Variants in TBL1X observed in about 807,000 individuals in gnomAD.
TBL1X encodes F-box-like/WD repeat-containing protein TBL1X.
TBL1X carries 10 observed loss-of-function variants against 50.7 expected under a neutral mutation model. That is an observed-to-expected ratio of 0.20 (90% confidence interval 0.12 to 0.33). The LOEUF (loss-of-function observed/expected upper bound fraction) is 0.33. TBL1X is among the 10% of genes least tolerant of loss of function. The pLI is 1.00. For missense variants in TBL1X, 340 were observed against 504.4 expected, an observed-to-expected ratio of 0.67 and a Z score of 3.12; for synonymous variants, 190 against 214.7, an observed-to-expected ratio of 0.88 and a Z score of 1.01.
intron 2 of TBL1X, among the ~76,000 whole-genome samples, chrX:9,596,511 C>A (rs2146544081): frequency 9.0e-6 from 1 of 110,838 alleles, no homozygotes; most frequent in East Asian, 2.8e-4. Context: ...GGGTGGAGAC[C>A]AGGGATGCCG....
intron 6 of TBL1X, among the ~76,000 whole-genome samples, chrX:9,685,179 A>T (rs1053944356): frequency 2.7e-5 from 3 of 111,772 alleles, no homozygotes; most frequent in African/African-American, 9.8e-5. Context: ...TAAACCACAC[A>T]CCTCACCCTC....
At chrX:9,498,407 A>G (rs372030507) in intron 1 of TBL1X, among the ~76,000 whole-genome samples, 1 of 112,457 alleles carries the variant, frequency 8.9e-6, no homozygotes. Context: ...CTTGCCCTGA[A>G]TGAATAAGGC....
At chrX:9,617,989 A>C (rs2082647782) in intron 2 of TBL1X, among the ~76,000 whole-genome samples, 1 of 111,234 alleles carries the variant, frequency 9.0e-6, no homozygotes, top group Admixed American at 9.5e-5. Flanking sequence ...CCCAGGAGAT[A>C]CCAGTAGCAC....
chrX:9,619,676 T>C (rs1442090975), intron 2 of TBL1X, among the ~76,000 whole-genome samples: 1 of 112,371 alleles, frequency 8.9e-6, no homozygotes, highest in Non-Finnish European at 1.9e-5. Flanking sequence ...GTTAAAATAG[T>C]GAGGACACTG....
intron 12 of TBL1X, among the ~76,000 whole-genome samples, chrX:9,703,026 A>C (rs935598791): frequency 9.0e-6 from 1 of 111,502 alleles, no homozygotes; most frequent in Admixed American, 9.5e-5. Context: ...ATTAGCATGA[A>C]CCCTGGGAAG....
At chrX:9,538,037 A>G (rs183485528) in intron 2 of TBL1X, among the ~76,000 whole-genome samples, 46 of 112,196 alleles carry the variant, frequency 4.1e-4, no homozygotes, top group African/African-American at 1.3e-3. Flanking sequence ...TGGAAGTAAC[A>G]TGATGCTCTA....
chrX:9,580,253 C>T (rs904656932), intron 2 of TBL1X, among the ~76,000 whole-genome samples: 2 of 112,134 alleles, frequency 1.8e-5, no homozygotes, highest in Non-Finnish European at 3.8e-5. Context: ...GACACAACCT[C>T]AGGAGGTCCT....
intron 2 of TBL1X, among the ~76,000 whole-genome samples, chrX:9,532,693 C>G (rs940730701): frequency 1.8e-5 from 2 of 111,331 alleles, no homozygotes; most frequent in Non-Finnish European, 3.8e-5. Flanking sequence ...AGGCCTCTCT[C>G]CTGGGCTTGT....
chrX:9,533,200 A>AAGC (rs1449399758), intron 2 of TBL1X, among the ~76,000 whole-genome samples: 1 of 111,968 alleles, frequency 8.9e-6, no homozygotes, highest in African/African-American at 3.2e-5. Flanking sequence ...AGGGAGTTGA[A>AAGC]AGCAGCATCA....
chrX:9,523,274 C>T (rs2082115353), intron 2 of TBL1X, among the ~76,000 whole-genome samples: 1 of 111,889 alleles, frequency 8.9e-6, no homozygotes, highest in Non-Finnish European at 1.9e-5. Context: ...AAGAAGCACT[C>T]TTCCCAGGGC....
At chrX:9,633,812 T>C (rs756840868) in intron 2 of TBL1X, among the ~76,000 whole-genome samples, 1 of 111,906 alleles carries the variant, frequency 8.9e-6, no homozygotes, top group African/African-American at 3.2e-5. Flanking sequence ...TGTGGAGATG[T>C]CTTTCATAGA....
chrX:9,669,353 G>A (rs1202935582), intron 5 of TBL1X, among the ~76,000 whole-genome samples: 1 of 111,788 alleles, frequency 8.9e-6, no homozygotes, highest in Non-Finnish European at 1.9e-5. Context: ...TAAACATCTA[G>A]TCTCAGGACT....
intron 2 of TBL1X, among the ~76,000 whole-genome samples, chrX:9,588,553 GTCTC>G (rs1319528763): frequency 3.6e-5 from 4 of 110,565 alleles, no homozygotes; most frequent in Admixed American, 9.6e-5. Context: ...TACTGATCCT[GTCTC>G]TCTCTCTAAC....
intron 2 of TBL1X, among the ~76,000 whole-genome samples, chrX:9,511,975 C>T (rs539700884): frequency 1.3e-4 from 14 of 111,818 alleles, no homozygotes; most frequent in African/African-American, 4.5e-4. Context: ...ATTCTCCCAC[C>T]TCAGCCTCCC....
intron 5 of TBL1X, among the ~76,000 whole-genome samples, chrX:9,657,291 A>G (rs1431378919): frequency 2.7e-5 from 3 of 112,334 alleles, no homozygotes; most frequent in Admixed American, 9.4e-5. Context: ...TTCCAGGTAC[A>G]GTGACGGACA....
rs2082919324 is a variant in TBL1X, at chrX:9,665,051, T to A, written c.211+10729T>A. 1.8e-5 allele frequency among the ~76,000 whole-genome samples: 2 copies of A among 109,881 alleles called. 1 individual carries two copies. The highest frequency in any genetic ancestry group is 7.9e-4 in the South Asian group (2 of 2,523). On this transcript the variant is annotated intron_variant, in intron 5 of 17. Transcript: ENST00000645353. The stretch of plus-strand genomic sequence containing the variant: ...AACTGGTTTTTCTTGGGAAATGGAG[T>A]TTTAATGGCATTCTGATTTCTTTGC...
At chrX:9,557,384 C>T (rs371731181) in intron 2 of TBL1X, among the ~76,000 whole-genome samples, 3 of 111,637 alleles carry the variant, frequency 2.7e-5, no homozygotes, top group South Asian at 3.7e-4. Flanking sequence ...GGGAAACAGG[C>T]GGTCAGAGGG....
intron 2 of TBL1X, among the ~76,000 whole-genome samples, chrX:9,592,062 T>C (rs73476842): frequency 1.9e-3 from 217 of 112,514 alleles, no homozygotes; most frequent in African/African-American, 6.6e-3. Context: ...TAAACATCTT[T>C]ACATTTTCGT....
At chrX:9,615,859 C>T (rs1188948442) in intron 2 of TBL1X, among the ~76,000 whole-genome samples, 1 of 112,198 alleles carries the variant, frequency 8.9e-6, no homozygotes. Flanking sequence ...GTGAATCCTT[C>T]TTCACTGCGT....
Sources: gnomAD v4.1 joint callset for allele counts (sites outside exome capture counted in the v4.1 genomes callset) on GRCh38, gnomAD v4.1.1 for gene constraint, MANE v1.5 for transcripts, NCBI Gene and HGNC (gene_info 2026-07-23, HGNC 2026-07-21) for gene names.